TMEM132B: variants seen among roughly 807,000 people sequenced by gnomAD.
TMEM132B encodes the protein transmembrane protein 132B.
TMEM132B carries 18 observed loss-of-function variants against 90.8 expected under a neutral mutation model. The ratio of observed to expected loss-of-function variants is 0.20; its 90% CI spans 0.14 to 0.29. The LOEUF (loss-of-function observed/expected upper bound fraction) is 0.29. TMEM132B is among the 10% of genes least tolerant of loss of function. TMEM132B has a pLI of 1.00. For synonymous variants in TMEM132B, 504 were observed against 523.3 expected, an observed-to-expected ratio of 0.96 and a Z score of 0.50; for missense variants, 1,096 against 1,326.8, an observed-to-expected ratio of 0.83 and a Z score of 2.70.
chr12:125,494,768 G>T (rs1882489869), intron 3 of TMEM132B, among the ~76,000 whole-genome samples: 1 of 106,450 alleles, frequency 9.4e-6, no homozygotes. Context: ...CCCTGGAAAT[G>T]GCCGTGTTCC....
intron 6 of TMEM132B, among the ~76,000 whole-genome samples, chr12:125,648,518 A>G (rs1013402846): frequency 7.5e-5 from 11 of 146,218 alleles, no homozygotes; most frequent in African/African-American, 2.1e-4. Context: ...TAAAGAGTGT[A>G]TAAGATCTCC....
At chr12:125,324,540 T>C (rs1876510374) in intron 1 of TMEM132B, among the ~76,000 whole-genome samples, 1 of 152,230 alleles carries the variant, frequency 6.6e-6, no homozygotes, top group East Asian at 1.9e-4. Context: ...CTGTGGCCTG[T>C]TAGGAACCGG....
At chr12:125,264,034 C>G (rs946292179) in intron 1 of TMEM132B, among the ~76,000 whole-genome samples, 1 of 152,198 alleles carries the variant, frequency 6.6e-6, no homozygotes, top group Non-Finnish European at 1.5e-5. Context: ...TGAAATGACT[C>G]TTAAGGAATG....
chr12:125,352,904 A>G (rs1877636049), intron 2 of TMEM132B, among the ~76,000 whole-genome samples: 1 of 152,152 alleles, frequency 6.6e-6, no homozygotes, highest in Non-Finnish European at 1.5e-5. Flanking sequence ...GAGCCTCTTG[A>G]TTTAGCCTTT....
At chr12:125,517,483 C>T (rs11615596) in intron 3 of TMEM132B, among the ~76,000 whole-genome samples, 19,134 of 151,856 alleles carry the variant, frequency 0.13, 1,725 homozygotes, top group Admixed American at 0.3. Context: ...TGAGCCACCA[C>T]GCCCGGCCCA....
At chr12:125,444,368 T>G (rs1196236354) in intron 3 of TMEM132B, among the ~76,000 whole-genome samples, 1 of 152,238 alleles carries the variant, frequency 6.6e-6, no homozygotes, top group Non-Finnish European at 1.5e-5. Flanking sequence ...GTCTTTCTTT[T>G]GGCTTAATAT....
At chr12:125,573,496 T>TC (rs1388100670) in intron 4 of TMEM132B, among the ~76,000 whole-genome samples, 3 of 152,212 alleles carry the variant, frequency 2.0e-5, no homozygotes, top group Non-Finnish European at 4.4e-5. Flanking sequence ...TAACTAGAAT[T>TC]CAATCTGTGT....
intron 1 of TMEM132B, among the ~76,000 whole-genome samples, chr12:125,300,295 C>G (rs1243527212): frequency 6.6e-6 from 1 of 152,154 alleles, no homozygotes; most frequent in African/African-American, 2.4e-5. Flanking sequence ...TTCAGCCTCC[C>G]GAAGCATTGG....
chr12:125,588,876 G>A (rs934139535), intron 5 of TMEM132B, among the ~76,000 whole-genome samples: 1 of 152,120 alleles, frequency 6.6e-6, no homozygotes, highest in Non-Finnish European at 1.5e-5. Flanking sequence ...CTATGTACTT[G>A]TAATTGAATT....
chr12:125,468,510 T>C (rs905316040), intron 3 of TMEM132B, among the ~76,000 whole-genome samples: 2 of 152,228 alleles, frequency 1.3e-5, no homozygotes, highest in African/African-American at 4.8e-5. Flanking sequence ...AATTTCACCT[T>C]TGGTGAAGAG....
intron 1 of TMEM132B, among the ~76,000 whole-genome samples, chr12:125,207,266 G>A (rs965806714): frequency 1.3e-5 from 2 of 152,214 alleles, no homozygotes; most frequent in Non-Finnish European, 2.9e-5. Context: ...AGGGAGTGGA[G>A]GCTGCTCCCT....
intron 2 of TMEM132B, among the ~76,000 whole-genome samples, chr12:125,350,622 G>A (rs7310022): frequency 0.014 from 2,133 of 152,258 alleles, 53 homozygotes; most frequent in South Asian, 0.051. Flanking sequence ...TAGTACAAAG[G>A]GTTGGGCAGT....
intron 3 of TMEM132B, among the ~76,000 whole-genome samples, chr12:125,465,188 C>T (rs774073546): frequency 5.3e-5 from 8 of 152,164 alleles, no homozygotes; most frequent in Non-Finnish European, 1.0e-4. Context: ...CATTTCTGGA[C>T]CTGAATTTAC....
intron 1 of TMEM132B, among the ~76,000 whole-genome samples, chr12:125,190,500 T>TA (rs1957791951): frequency 3.5e-5 from 2 of 56,956 alleles, no homozygotes; most frequent in South Asian, 6.4e-4. Flanking sequence ...GTGATGGTGA[T>TA]GGGAAGGGGT....
chr12:125,257,890 G>T (rs1016861178), intron 1 of TMEM132B, among the ~76,000 whole-genome samples: 1 of 152,164 alleles, frequency 6.6e-6, no homozygotes, highest in Non-Finnish European at 1.5e-5. Flanking sequence ...GGGGAGTGAG[G>T]CCCTGGCTAC....
intron 3 of TMEM132B, among the ~76,000 whole-genome samples, chr12:125,499,943 C>G (rs61046395): frequency 0.13 from 19,540 of 150,596 alleles, 1,581 homozygotes; most frequent in Admixed American, 0.28. Flanking sequence ...TACTTCATCC[C>G]TATGTGACCA....
chr12:125,402,583 C>A (rs1879351618), intron 2 of TMEM132B, among the ~76,000 whole-genome samples: 1 of 152,224 alleles, frequency 6.6e-6, no homozygotes, highest in South Asian at 2.1e-4. Context: ...TGCAATTTCA[C>A]TTTGCAATGG....
chr12:125,464,819 G>A lies in TMEM132B; in HGVS notation c.1106+49142G>A, dbSNP rs1479046247. Among the ~76,000 whole-genome samples, 4 of 152,334 alleles carry A rather than the reference G, an allele frequency of 2.6e-5. No individual in the cohort carries two copies. The East Asian group carries it at 7.7e-4, about 29-fold the overall frequency. On this transcript the variant is annotated intron_variant, in intron 3 of 8. Transcript: ENST00000682704. Reference sequence around the variant, plus strand: ...AATTCAGTGCTCAAATTAGCAATCAGCATCAAGGGCATGGGGTAATCATTT... The same window carrying A: ...AATTCAGTGCTCAAATTAGCAATCAACATCAAGGGCATGGGGTAATCATTT...
intron 5 of TMEM132B, chr12:125,587,507 A>T (rs937594365): frequency 2.0e-5 from 3 of 152,172 alleles, no homozygotes; most frequent in Non-Finnish European, 2.9e-5. Context: ...ACAGTTTCTT[A>T]TGAAAAATCA....
Sources: allele counts gnomAD v4.1 joint callset (sites outside exome capture counted in the v4.1 genomes callset), GRCh38; gene constraint gnomAD v4.1.1; transcripts MANE v1.5; gene names NCBI Gene and HGNC (gene_info 2026-07-23, HGNC 2026-07-21).